SYNJ1: variants seen among roughly 807,000 people sequenced by gnomAD.
SYNJ1 encodes the protein synaptojanin 1.
A neutral mutation model predicts 168.2 loss-of-function variants in SYNJ1; 78 were observed. The ratio of observed to expected loss-of-function variants is 0.46; its 90% CI spans 0.39 to 0.56. The LOEUF is 0.56. Ranked by LOEUF, SYNJ1 falls within the 20% of genes least tolerant of loss-of-function variation. SYNJ1 has a pLI of 0.00. For missense variants in SYNJ1, 1,303 were observed against 1,597.6 expected (o/e 0.82, Z 3.14); for synonymous variants, 539 against 548.6 (o/e 0.98, Z 0.24).
intron 27 of SYNJ1, 60 bp downstream of exon 27, chr21:32,643,350 G>A: frequency 1.9e-6 from 3 of 1,571,042 alleles, no homozygotes; most frequent in Non-Finnish European, 2.6e-6. Context: ...GGGGAGGTGG[G>A]GCGCTGACAC....
Position 32,727,782 on chromosome 21 carries a change from TG to T in SYNJ1, c.-23+163del, listed in dbSNP as rs970253063. The T allele has an allele frequency of 5.8e-6, 8 of 1,384,392 alleles. No homozygotes were observed. In the African/African-American group the frequency reaches 1.2e-4, roughly 21 times the overall value. 85.8% of individuals were successfully genotyped at this position (1,384,392 alleles called of 1,614,324 possible). A position where few individuals can be genotyped will look rare whatever the true frequency, so the allele number is the denominator to read the frequency against. On this transcript the variant is annotated intron_variant, in intron 1 of 32. Coordinates refer to ENST00000674351, the MANE Select transcript of SYNJ1 (RefSeq NM_203446.3). ...GCGGCACCCCGCACAACCAGTGGTC[TG>T]CTCACAACCCCGCCCGTCCTCCCGC...
intron 18 of SYNJ1, among the ~76,000 whole-genome samples, chr21:32,663,749 G>A (rs757630942): frequency 1.4e-4 from 22 of 152,162 alleles, no homozygotes; most frequent in African/African-American, 4.1e-4. Context: ...ATGCTCAACC[G>A]AATCATACGG....
At chr21:32,704,909 G>C (rs973393744) in intron 2 of SYNJ1, among the ~76,000 whole-genome samples, 2 of 152,084 alleles carry the variant, frequency 1.3e-5, no homozygotes, top group African/African-American at 4.8e-5. Context: ...CAGCACTTTG[G>C]GAGGCCCAGG....
intron 2 of SYNJ1, among the ~76,000 whole-genome samples, chr21:32,716,725 T>G (rs188519360): frequency 3.3e-5 from 5 of 152,336 alleles, no homozygotes; most frequent in Non-Finnish European, 5.9e-5. Context: ...TTTCTTCAAG[T>G]GTTTTTCTTC....
At chr21:32,727,925 G>A (rs896101667) in intron 1 of SYNJ1, 21 bp downstream of exon 1, 3 of 1,531,650 alleles carry the variant, frequency 2.0e-6, no homozygotes, top group African/African-American at 2.8e-5. Context: ...GCAGCTCCCC[G>A]CCCCCCGCCG....
chr21:32,657,795 G>A lies in SYNJ1; in HGVS notation c.2382C>T (p.Asp794=). 2 of 1,614,168 alleles carry A rather than the reference G, an allele frequency of 1.2e-6. No homozygotes were observed. The highest frequency in any genetic ancestry group is 1.7e-6 in the Non-Finnish European group (2 of 1,180,010). The change falls in exon 19 of 33, where the codon GAC becomes GAT. Residue 794 remains aspartate (D), a synonymous_variant. Transcript: ENST00000674351. ...YKYDLFSDDY[D]TSEKCRTPAW... is the part of the protein sequence containing the mutation. Reference sequence around the variant, plus strand: ...CAGGGGTGCGGCACTTTTCACTGGTGTCATAGTCGTCAGAAAACAAGTCAT... The same window carrying A: ...CAGGGGTGCGGCACTTTTCACTGGTATCATAGTCGTCAGAAAACAAGTCAT...
At chr21:32,651,361 A>C (rs2040264291) in intron 22 of SYNJ1, among the ~76,000 whole-genome samples, 1 of 152,218 alleles carries the variant, frequency 6.6e-6, no homozygotes, top group East Asian at 1.9e-4. Flanking sequence ...CTGATATTAG[A>C]ATTCCTTGAA....
intron 12 of SYNJ1, among the ~76,000 whole-genome samples, chr21:32,677,446 G>A (rs536949365): frequency 2.4e-4 from 36 of 152,170 alleles, no homozygotes; most frequent in Non-Finnish European, 8.8e-5. Flanking sequence ...AGTAAAATGC[G>A]CAGGAAACTA....
chr21:32,693,191 T>C (rs1450629008), intron 6 of SYNJ1, among the ~76,000 whole-genome samples: 1 of 152,176 alleles, frequency 6.6e-6, no homozygotes, highest in Non-Finnish European at 1.5e-5. Flanking sequence ...CATCAGGGTT[T>C]CAGCAATGTT....
chr21:32,686,155 T>C (rs914870638), intron 8 of SYNJ1, among the ~76,000 whole-genome samples: 1 of 152,204 alleles, frequency 6.6e-6, no homozygotes, highest in Non-Finnish European at 1.5e-5. Context: ...AACACAAACT[T>C]ACTATTTAGA....
Position 32,631,433 on chromosome 21 carries a change from T to G in SYNJ1, c.*372A>C. The G allele has an allele frequency of 1.2e-6, 2 of 1,614,156 alleles. No homozygotes were observed. Among genetic ancestry groups the G allele is most frequent in the Non-Finnish European group, 1.7e-6 (2 of 1,180,026 alleles). On this transcript the variant is annotated 3_prime_UTR_variant, in exon 33 of 33. Coordinates refer to ENST00000674351, the MANE Select transcript of SYNJ1 (RefSeq NM_203446.3). ...TAACGGGCTCTTCTTTGGAGAACCA[T>G]GAAGTTGCCTCTGATTCTTCAGACT...
At chr21:32,681,456 A>C (rs770228405) in intron 11 of SYNJ1, 40 bp downstream of exon 11, 7 of 1,547,480 alleles carry the variant, frequency 4.5e-6, no homozygotes, top group African/African-American at 2.8e-5. Flanking sequence ...AGAGAGGAAA[A>C]AGAGGATATT....
intron 11 of SYNJ1, among the ~76,000 whole-genome samples, chr21:32,680,796 C>T (rs991100337): frequency 1.6e-4 from 25 of 152,148 alleles, no homozygotes; most frequent in Middle Eastern, 3.4e-3. Flanking sequence ...TTTCTATTTT[C>T]AGTAGAGATG....
chr21:32,727,883 C>A, intron 1 of SYNJ1, 63 bp downstream of exon 1: 1 of 1,526,510 alleles, frequency 6.6e-7, no homozygotes, highest in South Asian at 1.2e-5. Flanking sequence ...TGGAGGCGTC[C>A]GCCCGCCCGG....
chr21:32,650,308 T>C lies in SYNJ1; in HGVS notation c.2913A>G (p.Pro971=), dbSNP rs1444237132. The C allele has an allele frequency of 4.3e-6, 7 of 1,613,444 alleles. No individual in the cohort carries two copies. The highest frequency in any genetic ancestry group is 1.3e-5 in the African/African-American group (1 of 74,888). Residue 971 remains proline (P), a synonymous_variant, in exon 23 of 33, where the codon CCA becomes CCG. Transcript: ENST00000674351. The stretch of plus-strand genomic sequence containing the variant: ...CTTCTTCCAAATTTTTGATCCAGTC[T>C]GGACTTTTTAAAGCAATAGTTATAG... The part of the protein sequence containing the change: ...NRTITIALKS[P]DWIKNLEEEM...
chr21:32,629,378 CAA>C lies in SYNJ1; in HGVS notation c.*2425_*2426del, dbSNP rs2039235738. 6.6e-6 allele frequency: 1 copy of C among 152,580 alleles called. No homozygotes were observed. Among genetic ancestry groups the C allele is most frequent in the South Asian group, 2.1e-4 (1 of 4,830 alleles). 9.5% of individuals were successfully genotyped at this position (152,580 alleles called of 1,614,324 possible). A position where few individuals can be genotyped will look rare whatever the true frequency, so the allele number is the denominator to read the frequency against. On this transcript the variant is annotated 3_prime_UTR_variant, in exon 33 of 33. Transcript: ENST00000674351. ...TCCAAAAAGCACAATATAAAACTCA[CAA>C]GAGTTATTTCTAACAGCAAATCTTG...
intron 18 of SYNJ1, 116 bp from the exon 19 acceptor site, chr21:32,657,988 T>C (rs1569053069): frequency 1.3e-6 from 1 of 749,438 alleles, no homozygotes; most frequent in Non-Finnish European, 2.2e-6. Flanking sequence ...AAGAAATCTG[T>C]ATGCGTCTGA....
At chr21:32,726,660 G>C (rs1411658293) in intron 2 of SYNJ1, 112 bp downstream of exon 2, 12 of 1,356,668 alleles carry the variant, frequency 8.8e-6, no homozygotes, top group Non-Finnish European at 1.2e-5. Context: ...TAATCTGCTA[G>C]AGGAAATACA....
chr21:32,690,413 T>C (rs1038782794), intron 6 of SYNJ1, among the ~76,000 whole-genome samples: 3 of 152,204 alleles, frequency 2.0e-5, no homozygotes, highest in African/African-American at 7.2e-5. Flanking sequence ...TATGGGTCTA[T>C]GTTGCCCAGG....
Sources: gnomAD v4.1 joint callset for allele counts (sites outside exome capture counted in the v4.1 genomes callset) on GRCh38, gnomAD v4.1.1 for gene constraint, MANE v1.5 for transcripts, NCBI Gene and HGNC (gene_info 2026-07-23, HGNC 2026-07-21) for gene names.